The following PCDHA4 variants were observed in gnomAD, a reference collection of about 807,000 sequenced individuals.
PCDHA4 encodes the protein protocadherin alpha 4, also known as protocadherin alpha-4.
In PCDHA4, 49 loss-of-function variants were observed where a neutral mutation model predicts 61.4. That is an observed-to-expected ratio of 0.80 (90% CI 0.63 to 1.01). The LOEUF (loss-of-function observed/expected upper bound fraction) is 1.01. PCDHA4 is among the 50% of genes least tolerant of loss of function. The pLI is 0.00. For synonymous variants in PCDHA4, 590 were observed against 550.3 expected (o/e 1.07, Z -1.01); for missense variants, 1,254 against 1,235.8 (o/e 1.01, Z -0.22).
intron 1 of PCDHA4, chr5:140,927,149 T>C: frequency 1.2e-6 from 2 of 1,614,168 alleles, no homozygotes; most frequent in Non-Finnish European, 1.7e-6. Context: ...CGCGAACAGC[T>C]GTGCAGGGCC....
At chr5:140,964,174 A>G (rs1187603456) in intron 1 of PCDHA4, among the ~76,000 whole-genome samples, 2 of 152,250 alleles carry the variant, frequency 1.3e-5, no homozygotes, top group African/African-American at 4.8e-5. Flanking sequence ...GAACGAAATC[A>G]TTATAGTGCC....
rs374265125 is a variant in PCDHA4 at position 140,808,741 on chromosome 5, C to T, written c.1554C>T (p.Tyr518=). The T allele has an allele frequency of 6.8e-5, 110 of 1,611,992 alleles. No homozygotes were observed. The highest frequency in any genetic ancestry group is 8.5e-5 in the Non-Finnish European group (100 of 1,179,814). ...VSVHAESGKV[Y]ALQPLDHEEL... is the part of the protein sequence containing the mutation. ...TGCATGCGGAGAGCGGCAAGGTGTA[C>T]GCGCTGCAGCCGCTGGACCACGAGG... The change falls in exon 1 of 4, where the codon TAC becomes TAT. Residue 518 remains tyrosine (Y), a synonymous_variant. Transcript: ENST00000530339.
chr5:140,951,683 A>G (rs1389313679), intron 1 of PCDHA4, among the ~76,000 whole-genome samples: 1 of 152,160 alleles, frequency 6.6e-6, no homozygotes, highest in Non-Finnish European at 1.5e-5. Flanking sequence ...TGGGGATTAC[A>G]ATGTGACATG....
intron 1 of PCDHA4, among the ~76,000 whole-genome samples, chr5:140,838,872 G>A (rs2150293178): frequency 6.6e-6 from 1 of 152,012 alleles, no homozygotes; most frequent in Non-Finnish European, 1.5e-5. Flanking sequence ...CAGTTATCAT[G>A]CCACTGAACT....
chr5:140,939,807 C>G (rs927084385), intron 1 of PCDHA4, among the ~76,000 whole-genome samples: 1 of 152,088 alleles, frequency 6.6e-6, no homozygotes, highest in African/African-American at 2.4e-5. Context: ...TCTGCATGTT[C>G]AAGAAAAAGC....
chr5:141,000,417 A>ATTT (rs1563652061), intron 3 of PCDHA4, among the ~76,000 whole-genome samples: 30 of 77,716 alleles, frequency 3.9e-4, no homozygotes, highest in South Asian at 4.7e-4. Flanking sequence ...ATATATATAT[A>ATTT]TATATTTTTT....
At chr5:140,870,030 T>C (rs782502508) in intron 1 of PCDHA4, 4 of 1,613,662 alleles carry the variant, frequency 2.5e-6, no homozygotes, top group Admixed American at 1.7e-5. Context: ...CTTTAGATTA[T>C]GAAGAAAACA....
At chr5:140,858,160 G>T in intron 1 of PCDHA4, 1 of 1,597,718 alleles carries the variant, frequency 6.3e-7, no homozygotes, top group Non-Finnish European at 8.6e-7. Context: ...CCATCTGCGC[G>T]GTGTCCAGCT....
In PCDHA4 at chr5:140,993,460, TCTCACACA is replaced by T. The variant is rs782648313; in HGVS notation, c.2533+10899_2533+10906del. Among the ~76,000 whole-genome samples, 169 of 104,562 alleles carry T rather than the reference TCTCACACA, an allele frequency of 1.6e-3. 1 individual carries two copies. Among genetic ancestry groups the T allele is most frequent in the East Asian group, 0.012 (43 of 3,448 alleles). 68.6% of individuals were successfully genotyped at this position (104,562 alleles called of 152,430 possible). On this transcript the variant is annotated intron_variant, in intron 3 of 3. Coordinates refer to ENST00000530339, the MANE Select transcript of PCDHA4 (RefSeq NM_018907.4). ...TTCATTCCTGTTCTCCTTCTTTCTT[TCTCACACA>T]CACACACACACACACACACACACAC...
At chr5:140,856,690 T>G (rs1368181199) in intron 1 of PCDHA4, 2 of 1,597,086 alleles carry the variant, frequency 1.3e-6, no homozygotes, top group African/African-American at 2.7e-5. Context: ...TGACAGCAAC[T>G]GATGGAGGCA....
chr5:140,955,595 A>G (rs1366870361), intron 1 of PCDHA4, among the ~76,000 whole-genome samples: 1 of 152,194 alleles, frequency 6.6e-6, no homozygotes, highest in Admixed American at 6.5e-5. Context: ...TCTTTCTTTT[A>G]TAAATTACCC....
At chr5:140,967,042 G>A (rs781848948) in intron 1 of PCDHA4, 1 of 1,611,904 alleles carries the variant, frequency 6.2e-7, no homozygotes, top group Admixed American at 1.7e-5. Flanking sequence ...ACCTGGAGCT[G>A]GACCTGACGA....
chr5:140,961,234 G>A (rs2095598781), intron 1 of PCDHA4, among the ~76,000 whole-genome samples: 1 of 152,180 alleles, frequency 6.6e-6, no homozygotes, highest in South Asian at 2.1e-4. Context: ...CCAAAAAGGT[G>A]ATGGAATTTA....
intron 1 of PCDHA4, chr5:140,871,052 T>C (rs981101486): frequency 6.2e-7 from 1 of 1,613,156 alleles, no homozygotes; most frequent in Non-Finnish European, 8.5e-7. Flanking sequence ...CTAGTACTGG[T>C]GAAGGATCAC....
chr5:140,929,065 C>G, intron 1 of PCDHA4: 1 of 1,614,194 alleles, frequency 6.2e-7, no homozygotes. Context: ...TACAGAGGAT[C>G]TGAGGTATGG....
chr5:140,823,337 C>G, intron 1 of PCDHA4: 1 of 1,612,260 alleles, frequency 6.2e-7, no homozygotes, highest in Admixed American at 1.7e-5. Flanking sequence ...GCGCTGCAGC[C>G]GCTGGACCAC....
At chr5:140,824,388 G>A in intron 1 of PCDHA4, 1 of 557,068 alleles carries the variant, frequency 1.8e-6, no homozygotes. Context: ...CTCTAAAAAT[G>A]TAGGATAATA....
intron 3 of PCDHA4, among the ~76,000 whole-genome samples, chr5:141,006,736 G>C (rs939000554): frequency 2.0e-5 from 3 of 152,122 alleles, no homozygotes; most frequent in African/African-American, 7.2e-5. Context: ...AGGTCTTGAT[G>C]ATGTATTATA....
chr5:140,871,573 T>A (rs1554165748), intron 1 of PCDHA4: 1 of 1,477,842 alleles, frequency 6.8e-7, no homozygotes, highest in Non-Finnish European at 9.0e-7. Flanking sequence ...ACGGATTTTT[T>A]AAGGGAAAGT....
Sources: gnomAD v4.1 joint callset for allele counts (sites outside exome capture counted in the v4.1 genomes callset) on GRCh38, gnomAD v4.1.1 for gene constraint, MANE v1.5 for transcripts, NCBI Gene and HGNC (gene_info 2026-07-23, HGNC 2026-07-21) for gene names.